The following STK32C variants were observed in gnomAD, a reference collection of about 807,000 sequenced individuals.
STK32C encodes the protein serine/threonine-protein kinase 32C.
STK32C carries 31 observed loss-of-function variants against 56.5 expected under a neutral mutation model. The observed-to-expected ratio is 0.55, with a 90% CI of 0.41 to 0.74. The LOEUF is 0.74. Among genes scored for constraint, STK32C ranks in the 30% least tolerant of loss-of-function variants. The pLI is 0.00. For missense variants in STK32C, 544 were observed against 676.9 expected, an observed-to-expected ratio of 0.80 and a Z score of 2.18; for synonymous variants, 309 against 289.4, an observed-to-expected ratio of 1.07 and a Z score of -0.69.
In STK32C at chr10:132,239,051, G is replaced by GGA. The variant is rs1477022281; in HGVS notation, c.318+6847_318+6848dup. On this transcript the variant is annotated intron_variant, in intron 2 of 11. Transcript: ENST00000298630. ...CACTCCCCATCAGAGGTCCAAGGGA[G>GGA]GAAGATCACACTGCACTTAACCATT... Among the ~76,000 whole-genome samples the GGA allele has an allele frequency of 3.9e-5, 6 of 152,348 alleles. No homozygotes were observed. The East Asian group carries it at 1.2e-3, about 29-fold the overall frequency.
At chr10:132,218,372 G>C (rs2818405) in intron 10 of STK32C, among the ~76,000 whole-genome samples, 1 of 151,788 alleles carries the variant, frequency 6.6e-6, no homozygotes, top group African/African-American at 2.4e-5. Context: ...TGTCAGAGTA[G>C]ACTAAAAAAA....
chr10:132,291,636 C>A (rs372700779), intron 1 of STK32C, among the ~76,000 whole-genome samples: 1 of 152,178 alleles, frequency 6.6e-6, no homozygotes, highest in Non-Finnish European at 1.5e-5. Flanking sequence ...CCATCCTTCA[C>A]GCATCCAGAC....
chr10:132,256,628 G>C (rs1399558563), intron 1 of STK32C, among the ~76,000 whole-genome samples: 3 of 152,150 alleles, frequency 2.0e-5, no homozygotes, highest in African/African-American at 7.2e-5. Context: ...CGCTGGAGAG[G>C]TGGGCAGCAG....
chr10:132,223,756 G>A (rs2062770821), intron 8 of STK32C, among the ~76,000 whole-genome samples: 1 of 152,206 alleles, frequency 6.6e-6, no homozygotes, highest in Non-Finnish European at 1.5e-5. Context: ...GGGCCCGTGT[G>A]GCACACTCAC....
At chr10:132,224,116 C>T (rs540192355) in intron 8 of STK32C, among the ~76,000 whole-genome samples, 12 of 151,760 alleles carry the variant, frequency 7.9e-5, no homozygotes, top group South Asian at 2.1e-4. Flanking sequence ...ACCGGCAGGG[C>T]GGGCGCACAA....
At chr10:132,285,156 C>G (rs1423060843) in intron 1 of STK32C, among the ~76,000 whole-genome samples, 4 of 145,590 alleles carry the variant, frequency 2.7e-5, no homozygotes, top group African/African-American at 1.0e-4. Context: ...CCACGTCTGC[C>G]CAAAGACCAG....
chr10:132,242,327 G>A (rs946643474), intron 2 of STK32C, among the ~76,000 whole-genome samples: 2 of 152,118 alleles, frequency 1.3e-5, no homozygotes, highest in Non-Finnish European at 2.9e-5. Context: ...TGCAGCAGGA[G>A]GACGGAAGGG....
In STK32C at chr10:132,307,853, C is replaced by T; in HGVS notation, c.-20G>A. The T allele has an allele frequency of 8.7e-7, 1 of 1,145,022 alleles. No homozygotes were observed. The allele number at this position is 1,145,022 out of a possible 1,614,324, so 70.9% of individuals were successfully genotyped here. The stretch of plus-strand genomic sequence containing the variant: ...CCTCATCGCCGGGTCTGGGTGCGCG[C>T]GGCAGCCGGAACTCGGGGCATGGCC... On this transcript the variant is annotated 5_prime_UTR_variant, in exon 1 of 12. Transcript: ENST00000298630. The surrounding 1 kb of genome is among the most constrained non-coding windows in gnomAD (Gnocchi z 4.4).
Position 132,228,117 on chromosome 10 carries a change from C to T in STK32C, c.330G>A (p.Val110=), listed in dbSNP as rs1281505824. The T allele has an allele frequency of 1.2e-6, 2 of 1,613,988 alleles. No individual in the cohort carries two copies. Among genetic ancestry groups the T allele is most frequent in the Admixed American group, 1.7e-5 (1 of 60,026 alleles). ...GKGSFGKVCI[V]QKRDTEKMYA... is the part of the protein sequence containing the mutation. ...ACATCTTCTCCGTGTCCCGCTTCTGCACAATGCACACCTGGAGGGCACAGG... is the reference window on the plus strand; with the variant it reads ...ACATCTTCTCCGTGTCCCGCTTCTGTACAATGCACACCTGGAGGGCACAGG... Residue 110 remains valine (V), a synonymous_variant, in exon 3 of 12, where the codon GTG becomes GTA. Coordinates refer to ENST00000298630, the MANE Select transcript of STK32C (RefSeq NM_173575.4).
At chr10:132,288,328 A>G (rs1197250981) in intron 1 of STK32C, among the ~76,000 whole-genome samples, 1 of 152,256 alleles carries the variant, frequency 6.6e-6, no homozygotes, top group Non-Finnish European at 1.5e-5. Context: ...AGAACAAACC[A>G]TAAAGGAAGA....
intron 1 of STK32C, among the ~76,000 whole-genome samples, chr10:132,328,192 G>A (rs2066539719): frequency 6.6e-6 from 1 of 152,156 alleles, no homozygotes; most frequent in African/African-American, 2.4e-5. Flanking sequence ...TGGGATCAGA[G>A]TTTTTAAAGA....
At chr10:132,237,297 G>A (rs1030766583) in intron 2 of STK32C, among the ~76,000 whole-genome samples, 2 of 152,326 alleles carry the variant, frequency 1.3e-5, no homozygotes, top group African/African-American at 4.8e-5. Flanking sequence ...GGCCAGTAGG[G>A]CCACCTCTCT....
At chr10:132,268,879 GTGTA>G (rs200975957) in intron 1 of STK32C, among the ~76,000 whole-genome samples, 5 of 150,644 alleles carry the variant, frequency 3.3e-5, no homozygotes, top group Non-Finnish European at 7.4e-5. Context: ...CCCACATCGT[GTGTA>G]TGTGTGTCGG....
intron 2 of STK32C, among the ~76,000 whole-genome samples, chr10:132,231,395 T>C (rs1291847986): frequency 1.3e-5 from 2 of 152,216 alleles, no homozygotes; most frequent in African/African-American, 4.8e-5. Flanking sequence ...CACTCAGGTC[T>C]CCCGAGTCTT....
intron 1 of STK32C, among the ~76,000 whole-genome samples, chr10:132,283,474 C>G (rs2138250668): frequency 6.6e-6 from 1 of 152,324 alleles, no homozygotes; most frequent in East Asian, 1.9e-4. Context: ...AGGAGGGTGT[C>G]ATGGGGACCA....
intron 1 of STK32C, among the ~76,000 whole-genome samples, chr10:132,330,998 C>G (rs1276375749): frequency 6.6e-6 from 1 of 150,730 alleles, no homozygotes; most frequent in East Asian, 2.0e-4. Context: ...GTCAGGAGAT[C>G]GAGACCAGCC....
intron 1 of STK32C, among the ~76,000 whole-genome samples, chr10:132,256,179 C>T (rs1001064363): frequency 6.6e-6 from 1 of 152,230 alleles, no homozygotes; most frequent in South Asian, 2.1e-4. Context: ...GTGGCAGCAG[C>T]CCACAGCTGA....
At chr10:132,248,434 A>T (rs1237663272) in intron 1 of STK32C, among the ~76,000 whole-genome samples, 1 of 152,226 alleles carries the variant, frequency 6.6e-6, no homozygotes, top group Non-Finnish European at 1.5e-5. Context: ...GGCCGCCTAC[A>T]GCTTGGGGAG....
At chr10:132,233,033 T>A (rs1274236338) in intron 2 of STK32C, among the ~76,000 whole-genome samples, 1 of 152,200 alleles carries the variant, frequency 6.6e-6, no homozygotes, top group Non-Finnish European at 1.5e-5. Context: ...AACCACCTCC[T>A]AATCCTTCCT....
Sources: gnomAD v4.1 joint callset for allele counts (sites outside exome capture counted in the v4.1 genomes callset) on GRCh38, gnomAD v4.1.1 for gene constraint, Gnocchi (gnomAD v3.1) non-coding constraint, MANE v1.5 for transcripts, NCBI Gene and HGNC (gene_info 2026-07-23, HGNC 2026-07-21) for gene names.